The following VPS26A variants were observed in gnomAD, a reference collection of about 807,000 sequenced individuals.
The protein encoded by VPS26A is VPS26 retromer complex component A.
In VPS26A, 22 loss-of-function variants were observed where a neutral mutation model predicts 42.4. That is an observed-to-expected ratio of 0.52 (90% CI 0.37 to 0.74). The LOEUF (loss-of-function observed/expected upper bound fraction) is 0.74. Among genes scored for constraint, VPS26A ranks in the 30% least tolerant of loss-of-function variants. The pLI is 0.00. For missense variants in VPS26A, 276 were observed against 379.2 expected (o/e 0.73, Z 2.26); for synonymous variants, 110 against 123.5 (o/e 0.89, Z 0.73).
intron 8 of VPS26A, among the ~76,000 whole-genome samples, chr10:69,169,720 C>T (rs776838949): frequency 6.6e-6 from 1 of 151,824 alleles, no homozygotes. Flanking sequence ...GCAGTTCTTC[C>T]GCCTCAGCCT....
chr10:69,152,601 C>T (rs577823072), intron 2 of VPS26A, among the ~76,000 whole-genome samples: 8 of 152,168 alleles, frequency 5.3e-5, no homozygotes, highest in Admixed American at 2.6e-4. Flanking sequence ...TTTTCTTGTT[C>T]CTTGATTTCT....
chr10:69,132,875 T>G (rs568629517), intron 1 of VPS26A, 23 bp from the exon 2 acceptor site: 1 of 1,570,490 alleles, frequency 6.4e-7, no homozygotes, highest in Admixed American at 2.2e-5. Context: ...ATGATAATTA[T>G]GACCATTTTC....
At chr10:69,125,548 A>G (rs889912261) in intron 1 of VPS26A, among the ~76,000 whole-genome samples, 17 of 147,482 alleles carry the variant, frequency 1.2e-4, no homozygotes, top group African/African-American at 3.6e-4. Flanking sequence ...CTTTAATTGA[A>G]TATCATTTGA....
At chr10:69,128,349 A>G (rs1013566762) in intron 1 of VPS26A, among the ~76,000 whole-genome samples, 3 of 150,592 alleles carry the variant, frequency 2.0e-5, no homozygotes. Context: ...CTGCTGCCTC[A>G]GCCTCCCGCA....
intron 4 of VPS26A, 129 bp from the exon 5 acceptor site, chr10:69,157,918 G>T: frequency 1.4e-6 from 1 of 729,954 alleles, no homozygotes; most frequent in Non-Finnish European, 2.1e-6. Flanking sequence ...GTGAAGTAAT[G>T]AAGTAAGTTG....
At chr10:69,141,946 C>T (rs958341170) in intron 2 of VPS26A, among the ~76,000 whole-genome samples, 91 of 152,102 alleles carry the variant, frequency 6.0e-4, no homozygotes, top group African/African-American at 1.9e-3. Flanking sequence ...TGCCGTGGCG[C>T]GATCTTGGCT....
chr10:69,155,993 AG>A (rs775326238), intron 3 of VPS26A, 106 bp downstream of exon 3: 28 of 813,052 alleles, frequency 3.4e-5, no homozygotes, highest in Non-Finnish European at 4.7e-5. Context: ...TGTAGAAGGA[AG>A]GAATTGATTT....
chr10:69,125,674 A>C (rs2132176889), intron 1 of VPS26A, among the ~76,000 whole-genome samples: 1 of 152,362 alleles, frequency 6.6e-6, no homozygotes, highest in East Asian at 1.9e-4. Flanking sequence ...CCCAAACAGA[A>C]ACTAAATTGT....
Position 69,160,870 on chromosome 10 carries a change from G to C in VPS26A, c.552-1536G>C, listed in dbSNP as rs376734889. On this transcript the variant is annotated intron_variant, in intron 5 of 8. Coordinates refer to ENST00000263559, the MANE Select transcript of VPS26A (RefSeq NM_004896.5). ...TACCACATCATTACAAGGTACGTGG[G>C]AGCGACCTTTGGTTATTAGCTATCA... Among the ~76,000 whole-genome samples, 39 of 152,252 alleles carry C rather than the reference G, an allele frequency of 2.6e-4. No individual in the cohort carries two copies. In the East Asian group the frequency reaches 3.5e-3, roughly 14 times the overall value.
intron 6 of VPS26A, among the ~76,000 whole-genome samples, chr10:69,165,655 C>A (rs1841668851): frequency 6.6e-6 from 1 of 151,860 alleles, no homozygotes; most frequent in Non-Finnish European, 1.5e-5. Context: ...CCAAAAAATA[C>A]AAAACTTAGC....
Position 69,171,201 on chromosome 10 carries a change from A to C in VPS26A, c.916A>C (p.Arg306=). The C allele has an allele frequency of 6.2e-7, 1 of 1,613,810 alleles. No homozygotes were observed. Among genetic ancestry groups the C allele is most frequent in the Non-Finnish European group, 8.5e-7 (1 of 1,179,962 alleles). ...RKAPEKLRKQ[R]TNFHQRFESP... ...AGCTCCTGAAAAACTGAGGAAACAG[A>C]GAACAAACTTTCACCAGCGATTTGA... Residue 306 remains arginine (R), a synonymous_variant, in exon 9 of 9, where the codon AGA becomes CGA. Transcript: ENST00000263559.
chr10:69,161,865 A>C (rs1841569757), intron 5 of VPS26A: 3 of 243,438 alleles, frequency 1.2e-5, no homozygotes, highest in African/African-American at 6.8e-5. Context: ...AAGCAGTAGT[A>C]ACGTCCCTTA....
At chr10:69,162,375 A>G (rs1469273931) in intron 5 of VPS26A, 31 bp from the exon 6 acceptor site, 9 of 1,155,140 alleles carry the variant, frequency 7.8e-6, no homozygotes, top group Non-Finnish European at 1.1e-5. Context: ...TTTTAAACTG[A>G]TATTTAGTGA....
At chr10:69,154,559 A>G (rs1167361795) in intron 2 of VPS26A, among the ~76,000 whole-genome samples, 1 of 151,406 alleles carries the variant, frequency 6.6e-6, no homozygotes, top group Non-Finnish European at 1.5e-5. Context: ...GGAATTCTAT[A>G]TAGATCTTAA....
chr10:69,161,780 C>A (rs1841567874), intron 5 of VPS26A: 1 of 319,998 alleles, frequency 3.1e-6, no homozygotes, highest in South Asian at 3.2e-5. Context: ...TGGTGCCTGT[C>A]TAAGGCTTTG....
intron 2 of VPS26A, among the ~76,000 whole-genome samples, chr10:69,136,426 G>A (rs190145866): frequency 6.6e-6 from 1 of 151,008 alleles, no homozygotes; most frequent in East Asian, 2.0e-4. Flanking sequence ...CACGACATCC[G>A]GCTAATTTTC....
Position 69,133,050 on chromosome 10 carries a change from A to G in VPS26A, c.153+3A>G, listed in dbSNP as rs775699856. ...ACGGAGAATCCGTTTCAGGAAAGGTAAATCTTCTGTTTGACAAAACTATCT... is the reference window on the plus strand; with the variant it reads ...ACGGAGAATCCGTTTCAGGAAAGGTGAATCTTCTGTTTGACAAAACTATCT... On this transcript the variant is annotated splice_donor_region_variant and intron_variant, in intron 2 of 8. Transcript: ENST00000263559. 4.4e-6 allele frequency: 7 copies of G among 1,606,090 alleles called. No individual in the cohort carries two copies. The Admixed American group carries it at 7.0e-5, about 16-fold the overall frequency.
Position 69,124,252 on chromosome 10 carries a change from G to A in VPS26A, c.-26G>A, listed in dbSNP as rs1840594749. The A allele has an allele frequency of 2.3e-6, 3 of 1,284,800 alleles. No individual in the cohort carries two copies. Among genetic ancestry groups the A allele is most frequent in the Admixed American group, 3.6e-5 (1 of 27,656 alleles). 79.6% of individuals were successfully genotyped at this position (1,284,800 alleles called of 1,614,324 possible). On this transcript the variant is annotated 5_prime_UTR_variant, in exon 1 of 9. Transcript: ENST00000263559. Reference sequence around the variant, plus strand: ...CTCCTGAGGGAAGAGGAGTGGAGTAGGGGGGACGCGGCGGCGGCGTTGACA... The same window carrying A: ...CTCCTGAGGGAAGAGGAGTGGAGTAAGGGGGACGCGGCGGCGGCGTTGACA...
chr10:69,162,503 A>G lies in VPS26A; in HGVS notation c.649A>G (p.Thr217Ala). The change falls in exon 6 of 9, where the codon ACA becomes GCA. Residue 217 changes from threonine (T) to alanine (A), a missense_variant. Thr to Ala is a moderately conservative substitution (Grantham distance 58). Coordinates refer to ENST00000263559, the MANE Select transcript of VPS26A (RefSeq NM_004896.5). ...GTTACAGCTGATCAAAAAAGAGATC[A>G]CAGGAATTGGTAAGTTGAAAAGAGT... Reference protein sequence around the residue: ...MELQLIKKEITGIGPSTTTET... With the variant: ...MELQLIKKEIAGIGPSTTTET... 3.2e-6 allele frequency: 5 copies of G among 1,548,856 alleles called. No homozygotes were observed. Among genetic ancestry groups the G allele is most frequent in the Non-Finnish European group, 4.4e-6 (5 of 1,136,448 alleles).
Sources: allele counts gnomAD v4.1 joint callset (sites outside exome capture counted in the v4.1 genomes callset), GRCh38; gene constraint gnomAD v4.1.1; transcripts MANE v1.5; gene names NCBI Gene and HGNC (gene_info 2026-07-23, HGNC 2026-07-21).